Variants in SCN10A observed in about 807,000 individuals in gnomAD.
The protein encoded by SCN10A is sodium voltage-gated channel alpha subunit 10.
In SCN10A, 162 loss-of-function variants were observed where a neutral mutation model predicts 170.7. The observed-to-expected ratio is 0.95, with a 90% confidence interval of 0.84 to 1.08. The LOEUF (loss-of-function observed/expected upper bound fraction) is 1.08. Ranked by LOEUF, SCN10A falls within the 50% of genes least tolerant of loss-of-function variation. The pLI is 0.00. For missense variants in SCN10A, 2,527 were observed against 2,436.9 expected, an observed-to-expected ratio of 1.04 and a Z score of -0.78; for synonymous variants, 985 against 904.6, an observed-to-expected ratio of 1.09 and a Z score of -1.59.
chr3:38,725,279 G>A lies in SCN10A; in HGVS notation c.3123C>T (p.Asp1041=), dbSNP rs762335489. Residue 1041 remains aspartate (D), a synonymous_variant, in exon 18 of 28, where the codon GAC becomes GAT. Transcript: ENST00000449082. ...TGCCTGGGCTCCTGGGTGTCAGGTGGTCCCCACACCTCTCGACTTGCTGCA... is the reference window on the plus strand; with the variant it reads ...TGCCTGGGCTCCTGGGTGTCAGGTGATCCCCACACCTCTCGACTTGCTGCA... ...EQLQQVERCG[D]HLTPRSPGTG... is the part of the protein sequence containing the mutation. 1 of 1,595,536 alleles carries A rather than the reference G, an allele frequency of 6.3e-7. No individual in the cohort carries two copies. Among genetic ancestry groups the A allele is most frequent in the East Asian group, 2.2e-5 (1 of 44,510 alleles).
Position 38,763,492 on chromosome 3 carries a change from A to C in SCN10A, c.691+13T>G. 6.2e-7 allele frequency: 1 copy of C among 1,605,076 alleles called. No homozygotes were observed. Among genetic ancestry groups the C allele is most frequent in the South Asian group, 1.1e-5 (1 of 90,928 alleles). ...TGTGAAAACCAACATATGCTCTGTG[A>C]ATAAATGCTCACCTGGGATCACAGA... On this transcript the variant is annotated intron_variant, in intron 6 of 27. Transcript: ENST00000449082.
rs188008774 is a variant in SCN10A, at chr3:38,755,737, C to T, written c.1461+51G>A. The T allele has an allele frequency of 1.4e-4, 229 of 1,597,708 alleles. 1 individual carries two copies. Among genetic ancestry groups the T allele is most frequent in the Middle Eastern group, 8.9e-4 (4 of 4,512 alleles). On this transcript the variant is annotated intron_variant, in intron 11 of 27. Transcript: ENST00000449082. Reference sequence around the variant, plus strand: ...TCTTCCCACTCCAACTCATTGTCTACGGCAGCTGCAATGGTGGGTAATCTT... The same window carrying T: ...TCTTCCCACTCCAACTCATTGTCTATGGCAGCTGCAATGGTGGGTAATCTT...
intron 18 of SCN10A, among the ~76,000 whole-genome samples, 187 bp from the exon 19 acceptor site, chr3:38,723,740 T>A (rs891421645): frequency 6.6e-6 from 1 of 152,216 alleles, no homozygotes; most frequent in Non-Finnish European, 1.5e-5. Flanking sequence ...GGGCCCCTGA[T>A]GGAGTGCTGG....
intron 5 of SCN10A, among the ~76,000 whole-genome samples, chr3:38,768,463 G>T (rs1270883116): frequency 6.6e-6 from 1 of 151,908 alleles, no homozygotes; most frequent in Non-Finnish European, 1.5e-5. Flanking sequence ...CCATTTGTTT[G>T]TCTGAAAAAA....
At chr3:38,706,165 T>C (rs1047018853) in intron 26 of SCN10A, among the ~76,000 whole-genome samples, 1 of 152,222 alleles carries the variant, frequency 6.6e-6, no homozygotes, top group African/African-American at 2.4e-5. Flanking sequence ...AAATACAGTG[T>C]CAAAAGTCAT....
chr3:38,704,712 G>A (rs1350711376), intron 26 of SCN10A, among the ~76,000 whole-genome samples: 1 of 152,184 alleles, frequency 6.6e-6, no homozygotes, highest in African/African-American at 2.4e-5. Flanking sequence ...ACAAGATTTA[G>A]AGCCTGAGCA....
intron 27 of SCN10A, among the ~76,000 whole-genome samples, 174 bp from the exon 28 acceptor site, chr3:38,698,736 T>A (rs1484594495): frequency 6.6e-6 from 1 of 152,148 alleles, no homozygotes; most frequent in African/African-American, 2.4e-5. Flanking sequence ...AGGGGCTCAG[T>A]AAATGCCCAT....
chr3:38,789,350 G>A (rs1048667556), intron 3 of SCN10A, among the ~76,000 whole-genome samples: 4 of 152,156 alleles, frequency 2.6e-5, no homozygotes, highest in Admixed American at 6.6e-5. Context: ...CTGCAGAGAT[G>A]TGAACTCTTA....
chr3:38,801,916 G>C (rs935476981), intron 1 of SCN10A, among the ~76,000 whole-genome samples: 1 of 152,064 alleles, frequency 6.6e-6, no homozygotes, highest in Non-Finnish European at 1.5e-5. Context: ...CTGAGTTCCA[G>C]TCATGCTAAC....
At chr3:38,701,293 T>C (rs1462191779) in intron 27 of SCN10A, among the ~76,000 whole-genome samples, 1 of 152,210 alleles carries the variant, frequency 6.6e-6, no homozygotes, top group Non-Finnish European at 1.5e-5. Context: ...GGCATTGATA[T>C]CTTGACTTTT....
rs145311098 is a variant in SCN10A, at chr3:38,701,097, G to A, written c.4657+742C>T. Among the ~76,000 whole-genome samples the A allele has an allele frequency of 1.4e-4, 21 of 152,246 alleles. No homozygotes were observed. In the East Asian group the frequency reaches 3.9e-3, roughly 28 times the overall value. On this transcript the variant is annotated intron_variant, in intron 27 of 27. Transcript: ENST00000449082. ...AAGGATAATAACACCTGCTTGACAG[G>A]GCTGCTGTGAACATTCATGGAGCCC...
intron 14 of SCN10A, among the ~76,000 whole-genome samples, chr3:38,742,002 A>G (rs1051396159): frequency 4.6e-5 from 7 of 152,158 alleles, no homozygotes; most frequent in Non-Finnish European, 7.4e-5. Context: ...TGGTTGTCCT[A>G]TGTTTTGTAA....
chr3:38,726,914 C>T lies in SCN10A; in HGVS notation c.2779G>A (p.Ala927Thr). ...GACCTGCTGAAGAAGCTGCAAAGAG[C>T]CTGTTTGGTACGATGGCCAAAGACC... ...IQVFGHRTKQ[A>T]LCSFFSRSCP... is the part of the protein sequence containing the mutation. Residue 927 changes from alanine (A) to threonine (T), a missense_variant, in exon 17 of 28, where the codon GCT (alanine) becomes ACT (threonine). Ala to Thr is a moderately conservative substitution (Grantham distance 58). Coordinates refer to ENST00000449082, the MANE Select transcript of SCN10A (RefSeq NM_006514.4). The T allele has an allele frequency of 6.2e-7, 1 of 1,614,218 alleles. No homozygotes were observed. Among genetic ancestry groups the T allele is most frequent in the Non-Finnish European group, 8.5e-7 (1 of 1,180,036 alleles).
At chr3:38,718,473 C>T (rs1031350252) in intron 21 of SCN10A, among the ~76,000 whole-genome samples, 180 bp downstream of exon 21, 2 of 152,246 alleles carry the variant, frequency 1.3e-5, no homozygotes, top group Admixed American at 6.5e-5. Context: ...CAGTCACATA[C>T]TGCCTGGACT....
intron 4 of SCN10A, among the ~76,000 whole-genome samples, chr3:38,779,339 T>A (rs2064111705): frequency 6.6e-6 from 1 of 152,094 alleles, no homozygotes; most frequent in African/African-American, 2.4e-5. Context: ...TAGACTAATT[T>A]GGGCAGCACT....
At chr3:38,795,854 G>A (rs1275657915) in intron 1 of SCN10A, among the ~76,000 whole-genome samples, 1 of 152,106 alleles carries the variant, frequency 6.6e-6, no homozygotes, top group East Asian at 1.9e-4. Context: ...AACTATCACT[G>A]TACCTGTGAA....
chr3:38,763,168 G>C (rs1345241456), intron 6 of SCN10A, among the ~76,000 whole-genome samples: 1 of 152,132 alleles, frequency 6.6e-6, no homozygotes, highest in Admixed American at 6.5e-5. Flanking sequence ...TTTAGTTTAA[G>C]GTATAAATAA....
At chr3:38,722,193 G>C in intron 20 of SCN10A, 65 bp downstream of exon 20, 1 of 1,495,736 alleles carries the variant, frequency 6.7e-7, no homozygotes, top group South Asian at 1.2e-5. Flanking sequence ...GCAGCTCCAG[G>C]GCCTTTGGAT....
Position 38,711,006 on chromosome 3 carries a change from G to C in SCN10A, c.4090-109C>G. ...GAGGAGAGAGTCCTGTGTTGGAAAG[G>C]GCTTGTGCAGAAAGAATGAAAGGAA... is the stretch of plus-strand genomic sequence containing the variant. On this transcript the variant is annotated intron_variant, in intron 23 of 27. Coordinates refer to ENST00000449082, the MANE Select transcript of SCN10A (RefSeq NM_006514.4). 3.5e-6 allele frequency: 3 copies of C among 858,104 alleles called. 1 individual carries two copies. Among genetic ancestry groups the C allele is most frequent in the East Asian group, 2.6e-5 (1 of 37,804 alleles). 53.2% of individuals were successfully genotyped at this position (858,104 alleles called of 1,614,324 possible).
Sources: allele counts gnomAD v4.1 joint callset (sites outside exome capture counted in the v4.1 genomes callset), GRCh38; gene constraint gnomAD v4.1.1; transcripts MANE v1.5; gene names NCBI Gene and HGNC (gene_info 2026-07-23, HGNC 2026-07-21).